Variants in TMEM51 observed in about 807,000 individuals in gnomAD.
TMEM51 encodes the protein chromosome 1 open reading frame 72.
A neutral mutation model predicts 13.6 loss-of-function variants in TMEM51; 8 were observed. The ratio of observed to expected loss-of-function variants is 0.59; its 90% CI spans 0.35 to 1.07. The LOEUF (loss-of-function observed/expected upper bound fraction) is 1.07. Among genes scored for constraint, TMEM51 ranks in the 50% least tolerant of loss-of-function variants. The pLI is 0.02. For synonymous variants in TMEM51, 147 were observed against 144.4 expected, an observed-to-expected ratio of 1.02 and a Z score of -0.13; for missense variants, 279 against 330.7, an observed-to-expected ratio of 0.84 and a Z score of 1.21.
chr1:15,208,335 A>G (rs1003742753), intron 1 of TMEM51, among the ~76,000 whole-genome samples: 1 of 152,200 alleles, frequency 6.6e-6, no homozygotes, highest in African/African-American at 2.4e-5. Flanking sequence ...AAAAAGTAGT[A>G]AGATAGCCAG....
In TMEM51 at chr1:15,215,161, G is replaced by C; in HGVS notation, c.74G>C (p.Gly25Ala). Reference sequence around the variant, plus strand: ...ATCGGCCTGGGGATGCTGGTCCTTGGGGTGATCATGGCCATGTGGAACCTG... The same window carrying C: ...ATCGGCCTGGGGATGCTGGTCCTTGCGGTGATCATGGCCATGTGGAACCTG... The part of the protein sequence containing the change: ...TAIGLGMLVL[G>A]VIMAMWNLVP... Residue 25 changes from glycine to alanine, a missense_variant, in exon 3 of 4, where the codon GGG (glycine) becomes GCG (alanine). By Grantham distance (60) the Gly-to-Ala change is moderately conservative. Transcript: ENST00000376008. The C allele has an allele frequency of 1.2e-6, 2 of 1,614,204 alleles. No homozygotes were observed. The highest frequency in any genetic ancestry group is 1.7e-6 in the Non-Finnish European group (2 of 1,180,046).
chr1:15,158,989 C>T (rs1403194772), intron 1 of TMEM51, among the ~76,000 whole-genome samples: 1 of 152,194 alleles, frequency 6.6e-6, no homozygotes, highest in Non-Finnish European at 1.5e-5. Flanking sequence ...AAACGTCTCT[C>T]CTCCTGCATG....
chr1:15,200,407 C>CA (rs55755539), intron 1 of TMEM51, among the ~76,000 whole-genome samples: 21,380 of 67,862 alleles, frequency 0.32, 4,733 homozygotes, highest in East Asian at 0.75. Flanking sequence ...GACTCTGTCT[C>CA]AAAAAAAAAA....
chr1:15,182,142 C>T (rs910603019), intron 1 of TMEM51, among the ~76,000 whole-genome samples: 10 of 150,434 alleles, frequency 6.6e-5, no homozygotes, highest in African/African-American at 2.4e-4. Flanking sequence ...ACCTGGGCAA[C>T]AAAAGCAAAA....
At chr1:15,156,982 A>G (rs1015651305) in intron 1 of TMEM51, among the ~76,000 whole-genome samples, 16 of 152,138 alleles carry the variant, frequency 1.1e-4, no homozygotes, top group African/African-American at 3.9e-4. Context: ...TCCCCTGCCA[A>G]TGTTTTATTC....
At chr1:15,183,835 C>T (rs1079315) in intron 1 of TMEM51, among the ~76,000 whole-genome samples, 46,567 of 152,108 alleles carry the variant, frequency 0.31, 7,465 homozygotes, top group Middle Eastern at 0.4. Context: ...TGCAAATGTC[C>T]GGTTTGGAAA....
At chr1:15,206,511 A>T (rs573647984) in intron 1 of TMEM51, among the ~76,000 whole-genome samples, 4 of 152,134 alleles carry the variant, frequency 2.6e-5, no homozygotes, top group Non-Finnish European at 4.4e-5. Flanking sequence ...TGGACTTCAC[A>T]GTCAGCTGGA....
intron 1 of TMEM51, among the ~76,000 whole-genome samples, chr1:15,167,667 A>G (rs1276364916): frequency 6.6e-6 from 1 of 152,206 alleles, no homozygotes; most frequent in Non-Finnish European, 1.5e-5. Context: ...GCAGGGACCT[A>G]ATGAAACATT....
At chr1:15,154,719 C>A (rs1327753507) in intron 1 of TMEM51, among the ~76,000 whole-genome samples, 2 of 152,182 alleles carry the variant, frequency 1.3e-5, no homozygotes, top group Non-Finnish European at 2.9e-5. Flanking sequence ...CTTTCCCAAC[C>A]AGCGGTGGGG....
In TMEM51 at chr1:15,215,116, C is replaced by T. The variant is rs762237635; in HGVS notation, c.29C>T (p.Ser10Leu). 7 of 1,613,704 alleles carry T rather than the reference C, an allele frequency of 4.3e-6. No homozygotes were observed. Among genetic ancestry groups the T allele is most frequent in the South Asian group, 1.1e-5 (1 of 91,074 alleles). MMAQSKANG[S>L]HYALTAIGLG... ...ATGGCCCAGTCCAAGGCCAATGGCT[C>T]GCACTATGCGCTGACCGCCATCGGC... The change falls in exon 3 of 4, where the codon TCG (serine) becomes TTG (leucine). Residue 10 changes from serine (S) to leucine (L), a missense_variant. By Grantham distance (145) the Ser-to-Leu change is moderately radical (BLOSUM62 -2). Transcript: ENST00000376008.
At chr1:15,170,877 C>T (rs1416581906) in intron 1 of TMEM51, among the ~76,000 whole-genome samples, 1 of 152,112 alleles carries the variant, frequency 6.6e-6, no homozygotes, top group Non-Finnish European at 1.5e-5. Context: ...TACAGGCGCC[C>T]TCCACCACGC....
At chr1:15,210,023 T>G (rs1465893129) in intron 1 of TMEM51, among the ~76,000 whole-genome samples, 1 of 150,486 alleles carries the variant, frequency 6.6e-6, no homozygotes, top group Non-Finnish European at 1.5e-5. Context: ...AAAGTAAGAC[T>G]CAGGAAGGAA....
intron 1 of TMEM51, among the ~76,000 whole-genome samples, chr1:15,202,243 C>T (rs1441759457): frequency 4.6e-5 from 7 of 152,078 alleles, no homozygotes; most frequent in South Asian, 2.1e-4. Context: ...ATTCACCAAG[C>T]GATTGGTTTT....
At chr1:15,189,213 C>CTTGTTTTTTTTTTTTTTTTTT (rs1643873382) in intron 1 of TMEM51, among the ~76,000 whole-genome samples, 1 of 92,830 alleles carries the variant, frequency 1.1e-5, no homozygotes, top group African/African-American at 4.3e-5. Context: ...CTAATTTTTC[C>CTTGTTTTTTTTTTTTTTTTTT]TTTTTTTTTT....
chr1:15,171,229 G>T lies in TMEM51; in HGVS notation c.-267+17275G>T, dbSNP rs543204725. ...TGTTGATTTGGGGCCACGCCTGGAAGATCGCTGTTTGAGATCAAAAGGTTT... is the reference window on the plus strand; with the variant it reads ...TGTTGATTTGGGGCCACGCCTGGAATATCGCTGTTTGAGATCAAAAGGTTT... On this transcript the variant is annotated intron_variant, in intron 1 of 3. Transcript: ENST00000376008. 46 of 1,304,076 alleles carry T rather than the reference G, an allele frequency of 3.5e-5. No individual in the cohort carries two copies. The African/African-American group carries it at 6.8e-4, about 19-fold the overall frequency. 80.8% of individuals were successfully genotyped at this position (1,304,076 alleles called of 1,614,324 possible). A position where few individuals can be genotyped will look rare whatever the true frequency, so the allele number is the denominator to read the frequency against.
chr1:15,190,904 C>T (rs1162959479), intron 1 of TMEM51, among the ~76,000 whole-genome samples: 1 of 152,160 alleles, frequency 6.6e-6, no homozygotes, highest in South Asian at 2.1e-4. Context: ...TCTCCTGCCT[C>T]AGCCTCCCCA....
intron 1 of TMEM51, among the ~76,000 whole-genome samples, chr1:15,166,043 T>C (rs988729601): frequency 2.6e-5 from 4 of 152,242 alleles, no homozygotes; most frequent in African/African-American, 9.6e-5. Context: ...GATACCATCA[T>C]AGATATTTAT....
At chr1:15,201,492 C>CT (rs143698743) in intron 1 of TMEM51, among the ~76,000 whole-genome samples, 2,885 of 152,060 alleles carry the variant, frequency 0.019, 92 homozygotes, top group African/African-American at 0.066. Context: ...GCACCCAGCA[C>CT]TGGCATTTCA....
intron 1 of TMEM51, among the ~76,000 whole-genome samples, chr1:15,166,404 G>A (rs1021618429): frequency 6.6e-6 from 1 of 152,140 alleles, no homozygotes; most frequent in Non-Finnish European, 1.5e-5. Context: ...CACAGCAGCC[G>A]ACTCATAGGC....
Sources: allele counts gnomAD v4.1 joint callset (sites outside exome capture counted in the v4.1 genomes callset), GRCh38; gene constraint gnomAD v4.1.1; transcripts MANE v1.5; gene names NCBI Gene and HGNC (gene_info 2026-07-23, HGNC 2026-07-21).